Variants in MECOM observed in about 807,000 individuals in gnomAD.
The protein encoded by MECOM is MDS1 and EVI1 complex locus.
MECOM carries 13 observed loss-of-function variants against 116.3 expected under a neutral mutation model. The ratio of observed to expected loss-of-function variants is 0.11; its 90% CI spans 0.07 to 0.18. The LOEUF (loss-of-function observed/expected upper bound fraction) is 0.18. Ranked by LOEUF, MECOM falls within the 10% of genes least tolerant of loss-of-function variation. MECOM has a pLI of 1.00. For missense variants in MECOM, 1,299 were observed against 1,509.0 expected (o/e 0.86, Z 2.31); for synonymous variants, 528 against 535.2 (o/e 0.99, Z 0.19).
At chr3:169,155,038 G>A (rs1199376714) in intron 2 of MECOM, among the ~76,000 whole-genome samples, 1 of 152,070 alleles carries the variant, frequency 6.6e-6, no homozygotes, top group Non-Finnish European at 1.5e-5. Flanking sequence ...TTTTAAGGAC[G>A]GAATCAAGTT....
intron 1 of MECOM, among the ~76,000 whole-genome samples, chr3:169,396,755 G>A (rs1277365007): frequency 6.6e-6 from 1 of 152,174 alleles, no homozygotes; most frequent in South Asian, 2.1e-4. Flanking sequence ...TGGATCACTT[G>A]AGGTCTGGAG....
At chr3:169,100,480 T>A (rs1723225302) in intron 12 of MECOM, among the ~76,000 whole-genome samples, 2 of 152,170 alleles carry the variant, frequency 1.3e-5, no homozygotes, top group African/African-American at 4.8e-5. Flanking sequence ...ACATATGGGT[T>A]ATTAACTCCT....
chr3:169,394,248 T>A (rs992954160), intron 1 of MECOM, among the ~76,000 whole-genome samples: 4 of 152,108 alleles, frequency 2.6e-5, no homozygotes, highest in African/African-American at 9.7e-5. Flanking sequence ...TAAATCACCA[T>A]GAGGGGGTCA....
chr3:169,456,489 C>CA (rs1337648050), intron 1 of MECOM, among the ~76,000 whole-genome samples: 13 of 152,228 alleles, frequency 8.5e-5, no homozygotes, highest in South Asian at 8.3e-4. Context: ...TTGTAAACAA[C>CA]AATAATATGG....
intron 1 of MECOM, chr3:169,613,736 G>A (rs1300282119): frequency 6.6e-6 from 1 of 152,170 alleles, no homozygotes; most frequent in African/African-American, 2.4e-5. Context: ...CTGAAGGTCT[G>A]GAGATCTTTC....
At chr3:169,143,317 A>C (rs1442114400) in intron 3 of MECOM, among the ~76,000 whole-genome samples, 1 of 152,140 alleles carries the variant, frequency 6.6e-6, no homozygotes, top group Non-Finnish European at 1.5e-5. Context: ...CATTTCAAGT[A>C]TATCACTTCC....
At chr3:169,496,306 G>T (rs1413933606) in intron 1 of MECOM, among the ~76,000 whole-genome samples, 1 of 152,198 alleles carries the variant, frequency 6.6e-6, no homozygotes, top group African/African-American at 2.4e-5. Context: ...ATATTCTCAT[G>T]TTAGAACCAA....
Position 169,136,921 on chromosome 3 carries a change from T to C in MECOM, c.511-5390A>G, listed in dbSNP as rs183100935. ...AGACTGCATTTGGCATGTCTAAAAA[T>C]GACAGAAGCGTGAATTATGAATGAC... On this transcript the variant is annotated intron_variant, in intron 3 of 16. Coordinates refer to ENST00000651503, the MANE Select transcript of MECOM (RefSeq NM_004991.4). Among the ~76,000 whole-genome samples, 430 of 152,246 alleles carry C rather than the reference T, an allele frequency of 2.8e-3. 1 individual carries two copies. The Middle Eastern group carries it at 0.031, about 11-fold the overall frequency.
chr3:169,376,774 A>G (rs1731111108), intron 2 of MECOM, among the ~76,000 whole-genome samples: 1 of 152,194 alleles, frequency 6.6e-6, no homozygotes, highest in Non-Finnish European at 1.5e-5. Flanking sequence ...TATAGATTCA[A>G]TGTTATCCCA....
chr3:169,361,078 T>C (rs1728228794), intron 2 of MECOM, among the ~76,000 whole-genome samples: 1 of 151,732 alleles, frequency 6.6e-6, no homozygotes, highest in Non-Finnish European at 1.5e-5. Context: ...AAAAGGGAGC[T>C]CTTGGAAGAG....
chr3:169,487,082 C>T (rs1172823408), intron 1 of MECOM, among the ~76,000 whole-genome samples: 1 of 150,138 alleles, frequency 6.7e-6, no homozygotes, highest in East Asian at 1.9e-4. Flanking sequence ...ATTGTATAGT[C>T]CAAAAACTAA....
chr3:169,579,381 G>A (rs1009449433), intron 1 of MECOM, among the ~76,000 whole-genome samples: 11 of 152,190 alleles, frequency 7.2e-5, no homozygotes, highest in Admixed American at 5.9e-4. Context: ...TCTAGGAGGC[G>A]GACAATGATC....
chr3:169,623,676 T>C (rs866877527), intron 1 of MECOM, among the ~76,000 whole-genome samples: 3 of 152,124 alleles, frequency 2.0e-5, no homozygotes, highest in South Asian at 2.1e-4. Flanking sequence ...TGGGGCCATT[T>C]ATAAGTTCAT....
chr3:169,567,699 C>A (rs922564436), intron 1 of MECOM, among the ~76,000 whole-genome samples: 4 of 152,116 alleles, frequency 2.6e-5, no homozygotes, highest in Admixed American at 2.6e-4. Context: ...TCTTTCCTGA[C>A]ACCCTGAGGA....
intron 1 of MECOM, among the ~76,000 whole-genome samples, chr3:169,585,721 A>T (rs1301169911): frequency 6.6e-6 from 1 of 152,178 alleles, no homozygotes; most frequent in Non-Finnish European, 1.5e-5. Flanking sequence ...GAGGGTAGGG[A>T]GTTTTATCTG....
At chr3:169,489,902 T>C (rs1210242080) in intron 1 of MECOM, among the ~76,000 whole-genome samples, 3 of 152,038 alleles carry the variant, frequency 2.0e-5, no homozygotes, top group Non-Finnish European at 4.4e-5. Context: ...TTTGACTACT[T>C]CAAAAATAGA....
chr3:169,655,418 A>G (rs573852130), intron 1 of MECOM, among the ~76,000 whole-genome samples: 2 of 152,328 alleles, frequency 1.3e-5, no homozygotes, highest in South Asian at 2.1e-4. Context: ...TCAATCCACT[A>G]AAAGTCAAAT....
intron 1 of MECOM, among the ~76,000 whole-genome samples, chr3:169,557,914 TAATA>T: frequency 6.6e-6 from 1 of 152,344 alleles, no homozygotes; most frequent in South Asian, 2.1e-4. Context: ...TAGCCAAATG[TAATA>T]ACAAACAGAT....
chr3:169,513,120 C>T (rs1756186542), intron 1 of MECOM, among the ~76,000 whole-genome samples: 2 of 152,198 alleles, frequency 1.3e-5, no homozygotes, highest in Admixed American at 1.3e-4. Context: ...CTGTTAACTA[C>T]CTTTTGATGA....
Sources: allele counts gnomAD v4.1 joint callset (sites outside exome capture counted in the v4.1 genomes callset), GRCh38; gene constraint gnomAD v4.1.1; transcripts MANE v1.5; gene names NCBI Gene and HGNC (gene_info 2026-07-23, HGNC 2026-07-21).